The following PCDH7 variants were observed in gnomAD, a reference collection of about 807,000 sequenced individuals.
PCDH7 encodes protocadherin-7.
PCDH7 carries 17 observed loss-of-function variants against 58.9 expected under a neutral mutation model. The ratio of observed to expected loss-of-function variants is 0.29; its 90% CI spans 0.20 to 0.43. PCDH7 has a LOEUF of 0.43. Ranked by LOEUF, PCDH7 falls within the 20% of genes least tolerant of loss-of-function variation. The probability of loss-of-function intolerance (pLI) is 1.00; values close to 1 mark genes in which losing one functional copy is unlikely to be tolerated. For synonymous variants in PCDH7, 664 were observed against 616.4 expected (o/e 1.08, Z -1.14); for missense variants, 1,274 against 1,441.0 (o/e 0.88, Z 1.88).
chr4:31,126,149 A>G (rs1280527358), intron 3 of PCDH7, among the ~76,000 whole-genome samples: 1 of 134,878 alleles, frequency 7.4e-6, no homozygotes, highest in South Asian at 2.3e-4. Flanking sequence ...TTTTTTTGAT[A>G]CAGAATCTCT....
chr4:31,054,564 G>A (rs575603304), intron 3 of PCDH7, among the ~76,000 whole-genome samples: 1 of 152,162 alleles, frequency 6.6e-6, no homozygotes, highest in Non-Finnish European at 1.5e-5. Flanking sequence ...TCTAGATCTG[G>A]TGCTTCTAAC....
intron 3 of PCDH7, among the ~76,000 whole-genome samples, chr4:31,070,807 T>C (rs1758485687): frequency 6.6e-6 from 1 of 152,120 alleles, no homozygotes; most frequent in South Asian, 2.1e-4. Flanking sequence ...GTTTTATTAA[T>C]TTTTGTCCCA....
At chr4:30,864,845 T>C (rs976470541) in intron 1 of PCDH7, among the ~76,000 whole-genome samples, 4 of 151,624 alleles carry the variant, frequency 2.6e-5, no homozygotes, top group African/African-American at 7.3e-5. Flanking sequence ...ATAAGGATAA[T>C]AGGAAAAAAA....
chr4:31,146,073 C>A (rs1720654123), downstream of PCDH7: 1 of 152,128 alleles, frequency 6.6e-6, no homozygotes, highest in East Asian at 1.9e-4. Flanking sequence ...CTCCAGATAT[C>A]ATTTCTGTAT....
intron 2 of PCDH7, among the ~76,000 whole-genome samples, chr4:30,934,210 G>C (rs1343675314): frequency 2.0e-5 from 3 of 152,158 alleles, no homozygotes; most frequent in Non-Finnish European, 4.4e-5. Flanking sequence ...AATCAAGCCA[G>C]TATGCTTTTT....
At chr4:31,003,988 G>C (rs933652358) in intron 3 of PCDH7, among the ~76,000 whole-genome samples, 2 of 151,982 alleles carry the variant, frequency 1.3e-5, no homozygotes, top group African/African-American at 4.8e-5. Flanking sequence ...GGTTGTCTAG[G>C]AAAAAGAATG....
intron 1 of PCDH7, among the ~76,000 whole-genome samples, chr4:30,894,445 G>A (rs1739024482): frequency 8.6e-6 from 1 of 116,352 alleles, no homozygotes; most frequent in Non-Finnish European, 1.7e-5. Flanking sequence ...CCCTGGTCTG[G>A]AGACCAGTTT....
Position 31,056,477 on chromosome 4 carries a change from G to A in PCDH7, c.*8-85996G>A, listed in dbSNP as rs1296706829. Among the ~76,000 whole-genome samples the A allele has an allele frequency of 4.7e-4, 61 of 130,488 alleles. 1 individual carries two copies. The highest frequency in any genetic ancestry group is 8.7e-4 in the Non-Finnish European group (54 of 62,194). The allele number at this position is 130,488 out of a possible 152,430, so 85.6% of individuals were successfully genotyped here. On this transcript the variant is annotated intron_variant, in intron 3 of 3. Coordinates refer to the PCDH7 transcript ENST00000509759. ...AAGAAAGAAGAAAGAAAGAAAGAAA[G>A]AAAGAAAGAAAGAAAGAAAGAAAGA... is the stretch of plus-strand genomic sequence containing the variant.
chr4:30,901,344 TCA>T (rs998761623), intron 1 of PCDH7, among the ~76,000 whole-genome samples: 1 of 152,088 alleles, frequency 6.6e-6, no homozygotes, highest in Non-Finnish European at 1.5e-5. Context: ...AGTTTATAAA[TCA>T]TATGGTGATG....
chr4:30,800,926 A>T (rs904835052), intron 1 of PCDH7, among the ~76,000 whole-genome samples: 2 of 152,218 alleles, frequency 1.3e-5, no homozygotes, highest in Admixed American at 6.5e-5. Context: ...AAGTTTTCAT[A>T]CAAGAGATAA....
At chr4:31,044,156 G>T (rs1756103335) in intron 3 of PCDH7, among the ~76,000 whole-genome samples, 1 of 152,022 alleles carries the variant, frequency 6.6e-6, no homozygotes, top group Admixed American at 6.6e-5. Flanking sequence ...AAACAATGAG[G>T]AGAGGGTTCA....
intron 3 of PCDH7, among the ~76,000 whole-genome samples, chr4:31,092,555 A>G (rs912909887): frequency 6.6e-6 from 1 of 152,032 alleles, no homozygotes; most frequent in Admixed American, 6.6e-5. Flanking sequence ...GGTGGGGGTT[A>G]AAGACCTTTT....
chr4:31,057,853 C>T (rs1015331389), intron 3 of PCDH7, among the ~76,000 whole-genome samples: 11 of 152,030 alleles, frequency 7.2e-5, no homozygotes, highest in Non-Finnish European at 1.3e-4. Flanking sequence ...GATACTTACT[C>T]TCTTAAAGAG....
intron 3 of PCDH7, among the ~76,000 whole-genome samples, chr4:31,061,565 T>G (rs1757694939): frequency 1.3e-5 from 2 of 151,660 alleles, no homozygotes; most frequent in Admixed American, 6.6e-5. Flanking sequence ...AGAGTCTCCA[T>G]GCACTTAAAT....
chr4:30,938,481 TACAC>T (rs35485597), intron 2 of PCDH7, among the ~76,000 whole-genome samples: 240 of 148,562 alleles, frequency 1.6e-3, no homozygotes, highest in African/African-American at 1.9e-3. Context: ...GGGAAAAACA[TACAC>T]ACACACACAC....
intron 1 of PCDH7, among the ~76,000 whole-genome samples, chr4:30,794,696 G>T (rs1041009538): frequency 6.6e-6 from 1 of 151,454 alleles, no homozygotes; most frequent in African/African-American, 2.4e-5. Context: ...GGGATTTTTG[G>T]CAAATGACAT....
chr4:31,141,994 C>A (rs1720313764), intron 3 of PCDH7, among the ~76,000 whole-genome samples: 1 of 152,230 alleles, frequency 6.6e-6, no homozygotes, highest in Non-Finnish European at 1.5e-5. Context: ...TAAGGTTTTG[C>A]ATATTTGCAT....
intron 3 of PCDH7, among the ~76,000 whole-genome samples, chr4:31,051,926 C>G (rs1322246083): frequency 6.6e-6 from 1 of 151,790 alleles, no homozygotes; most frequent in Non-Finnish European, 1.5e-5. Context: ...GATATTTATC[C>G]TTGAATATTA....
chr4:30,824,629 G>A (rs1433963569), intron 1 of PCDH7, among the ~76,000 whole-genome samples: 2 of 152,004 alleles, frequency 1.3e-5, no homozygotes, highest in Admixed American at 6.6e-5. Context: ...TCAAGAGTAC[G>A]GTTTTATCAG....
Sources: gnomAD v4.1 joint callset for allele counts (sites outside exome capture counted in the v4.1 genomes callset) on GRCh38, gnomAD v4.1.1 for gene constraint, MANE v1.5 for transcripts, NCBI Gene and HGNC (gene_info 2026-07-23, HGNC 2026-07-21) for gene names.